IGFBP1: variants seen among roughly 807,000 people sequenced by gnomAD.
The protein encoded by IGFBP1 is insulin like growth factor binding protein 1.
A neutral mutation model predicts 23.1 loss-of-function variants in IGFBP1; 31 were observed. That is an observed-to-expected ratio of 1.34 (90% CI 1.01 to 1.81). The LOEUF is 1.81. IGFBP1 is among the 40% of genes most tolerant of loss of function. The probability of loss-of-function intolerance (pLI) is 0.00; values close to 1 mark genes in which losing one functional copy is unlikely to be tolerated. For synonymous variants in IGFBP1, 148 were observed against 145.5 expected, an observed-to-expected ratio of 1.02 and a Z score of -0.13; for missense variants, 333 against 342.2, an observed-to-expected ratio of 0.97 and a Z score of 0.21.
chr7:45,891,074 A>T (rs1404703546), intron 2 of IGFBP1, among the ~76,000 whole-genome samples: 5 of 152,206 alleles, frequency 3.3e-5, no homozygotes, highest in African/African-American at 1.2e-4. Flanking sequence ...CCTTTAAAAA[A>T]GTTGTCATAA....
chr7:45,888,996 C>T lies in IGFBP1; in HGVS notation c.344C>T (p.Ala115Val). The change falls in exon 1 of 4, where the codon GCT (alanine) becomes GTT (valine). Residue 115 changes from alanine (A) to valine (V), a missense_variant. Physicochemically the swap from Ala to Val is moderately conservative, Grantham distance 64. Transcript: ENST00000275525. Reference sequence around the variant, plus strand: ...GAGTCTGACGCCTCCGCTCCCCATGCTGCAGGTACCACAGTCCCGCCCCTG... The same window carrying T: ...GAGTCTGACGCCTCCGCTCCCCATGTTGCAGGTACCACAGTCCCGCCCCTG... ...VQESDASAPH[A>V]AEAGSPESPE... 4.0e-6 allele frequency: 6 copies of T among 1,515,162 alleles called. No individual in the cohort carries two copies. Among genetic ancestry groups the T allele is most frequent in the Non-Finnish European group, 4.4e-6 (5 of 1,138,050 alleles). 93.9% of individuals were successfully genotyped at this position (1,515,162 alleles called of 1,614,324 possible).
At position 45,888,824 on chromosome 7, in the gene IGFBP1, G is replaced by A. The variant is rs753334604; in HGVS notation, c.172G>A (p.Gly58Ser). The A allele has an allele frequency of 6.4e-7, 1 of 1,552,896 alleles. No individual in the cohort carries two copies. Among genetic ancestry groups the A allele is most frequent in the South Asian group, 1.2e-5 (1 of 86,146 alleles). Reference sequence around the variant, plus strand: ...GGAGGTCACCCGGTCCGCCGGCTGCGGCTGTTGCCCGATGTGCGCCCTGCC... The same window carrying A: ...GGAGGTCACCCGGTCCGCCGGCTGCAGCTGTTGCCCGATGTGCGCCCTGCC... ...CSEVTRSAGC[G>S]CCPMCALPLG... Residue 58 changes from glycine to serine, a missense_variant, in exon 1 of 4, where the codon GGC (glycine) becomes AGC (serine). Physicochemically the swap from Gly to Ser is moderately conservative, Grantham distance 56. Coordinates refer to ENST00000275525, the MANE Select transcript of IGFBP1 (RefSeq NM_000596.4).
intron 3 of IGFBP1, 35 bp from the exon 4 acceptor site, chr7:45,892,925 A>G (rs1257699604): frequency 1.2e-6 from 2 of 1,600,626 alleles, no homozygotes; most frequent in East Asian, 2.2e-5. Flanking sequence ...TCAGCTTGTC[A>G]TCTGCTGCTC....
Position 45,892,041 on chromosome 7 carries a change from G to A in IGFBP1, c.629G>A (p.Gly210Glu). 6.2e-7 allele frequency: 1 copy of A among 1,614,190 alleles called. No individual in the cohort carries two copies. The highest frequency in any genetic ancestry group is 1.1e-5 in the South Asian group (1 of 91,084). Residue 210 changes from glycine to glutamate, a missense_variant, in exon 3 of 4, where the codon GGA (glycine) becomes GAA (glutamate). Gly to Glu is a moderately conservative substitution (Grantham distance 98). Transcript: ENST00000275525. ...KFYLPNCNKN[G>E]FYHSRQCETS... is the part of the protein sequence containing the mutation. ...TACCTGCCAAACTGCAACAAGAATG[G>A]ATTTTATCACAGCAGACAGGTAGGT... is the stretch of plus-strand genomic sequence containing the variant.
rs1787066611 is a variant in IGFBP1, at chr7:45,890,688, C to G, written c.490C>G (p.Leu164Val). The G allele has an allele frequency of 1.2e-6, 2 of 1,607,538 alleles. No homozygotes were observed. Among genetic ancestry groups the G allele is most frequent in the South Asian group, 2.2e-5 (2 of 90,306 alleles). Residue 164 changes from leucine to valine, a missense_variant, in exon 2 of 4, where the codon CTC becomes GTC. Physicochemically the swap from Leu to Val is conservative, Grantham distance 32. Transcript: ENST00000275525. ...CAGTACCTATGATGGCTCGAAGGCT[C>G]TCCATGTCACCAACATCAAAAAATG... ...AISTYDGSKA[L>V]HVTNIKKWKE...
chr7:45,891,123 A>C (rs1016922464), intron 2 of IGFBP1, among the ~76,000 whole-genome samples: 2 of 152,202 alleles, frequency 1.3e-5, no homozygotes, highest in Admixed American at 6.5e-5. Flanking sequence ...ATTTTGAAGC[A>C]TAGGTTTCTG....
At chr7:45,890,332 A>G (rs1261076866) in intron 1 of IGFBP1, among the ~76,000 whole-genome samples, 2 of 152,130 alleles carry the variant, frequency 1.3e-5, no homozygotes, top group Non-Finnish European at 2.9e-5. Flanking sequence ...GAAACTTACT[A>G]TTGTCAGGAA....
chr7:45,893,184 GTATATA>G lies in IGFBP1; in HGVS notation c.*100_*105del. On this transcript the variant is annotated 3_prime_UTR_variant, in exon 4 of 4. Coordinates refer to ENST00000275525, the MANE Select transcript of IGFBP1 (RefSeq NM_000596.4). ...TGCACATTTATATATATATGTATAT[GTATATA>G]TATATAGTAACTACTTTTTATACTC... 1.5e-5 allele frequency: 8 copies of G among 540,742 alleles called. No individual in the cohort carries two copies. The South Asian group carries it at 3.2e-4, about 22-fold the overall frequency. 33.5% of individuals were successfully genotyped at this position (540,742 alleles called of 1,614,324 possible). A position where few individuals can be genotyped will look rare whatever the true frequency, so the allele number is the denominator to read the frequency against.
intron 2 of IGFBP1, 134 bp from the exon 3 acceptor site, chr7:45,891,798 C>A: frequency 1.3e-6 from 1 of 746,486 alleles, no homozygotes; most frequent in Non-Finnish European, 2.2e-6. Context: ...CATCACATGA[C>A]ACCTAGTCCC....
At chr7:45,889,669 T>C (rs545733600) in intron 1 of IGFBP1, among the ~76,000 whole-genome samples, 1 of 152,334 alleles carries the variant, frequency 6.6e-6, no homozygotes, top group South Asian at 2.1e-4. Context: ...CATTTGTTTG[T>C]AGCGGGAAGT....
chr7:45,891,827 C>G, intron 2 of IGFBP1, 105 bp from the exon 3 acceptor site: 2 of 1,164,378 alleles, frequency 1.7e-6, no homozygotes, highest in Non-Finnish European at 2.4e-6. Flanking sequence ...GTGGCCAGAT[C>G]GTAGGGCCAC....
Position 45,888,755 on chromosome 7 carries a change from G to C in IGFBP1, c.103G>C (p.Ala35Pro). 6.3e-7 allele frequency: 1 copy of C among 1,584,210 alleles called. No individual in the cohort carries two copies. The highest frequency in any genetic ancestry group is 8.5e-7 in the Non-Finnish European group (1 of 1,173,782). ...GAPWQCAPCS[A>P]EKLALCPPVS... ...TCCGTGGCAGTGCGCGCCCTGCTCC[G>C]CCGAGAAGCTCGCGCTCTGCCCGCC... is the stretch of plus-strand genomic sequence containing the variant. The change falls in exon 1 of 4, where the codon GCC (alanine) becomes CCC (proline). Residue 35 changes from alanine (A) to proline (P), a missense_variant. By Grantham distance (27) the Ala-to-Pro change is conservative. Transcript: ENST00000275525.
chr7:45,890,723 G>C lies in IGFBP1; in HGVS notation c.519+6G>C. On this transcript the variant is annotated splice_donor_region_variant and intron_variant, in intron 2 of 3. Coordinates refer to ENST00000275525, the MANE Select transcript of IGFBP1 (RefSeq NM_000596.4). ...CCAACATCAAAAAATGGAAGGTGAG[G>C]CCCAGCAGGTGGGTGGTGGGAACTC... 6.3e-7 allele frequency: 1 copy of C among 1,595,148 alleles called. No homozygotes were observed. Among genetic ancestry groups the C allele is most frequent in the Non-Finnish European group, 8.5e-7 (1 of 1,170,602 alleles).
intron 1 of IGFBP1, 101 bp from the exon 2 acceptor site, chr7:45,890,447 T>A: frequency 7.7e-7 from 1 of 1,293,446 alleles, no homozygotes; most frequent in Non-Finnish European, 1.1e-6. Context: ...GCCATCCTCA[T>A]GGCCCAGCCT....
chr7:45,891,401 T>C (rs1289770042), intron 2 of IGFBP1, among the ~76,000 whole-genome samples: 1 of 152,252 alleles, frequency 6.6e-6, no homozygotes, highest in Non-Finnish European at 1.5e-5. Context: ...ATTTTGGAAT[T>C]TCATCTGAGA....
At chr7:45,891,106 T>TAA (rs1787072887) in intron 2 of IGFBP1, among the ~76,000 whole-genome samples, 1 of 152,234 alleles carries the variant, frequency 6.6e-6, no homozygotes, top group Non-Finnish European at 1.5e-5. Context: ...AATGTACTGT[T>TAA]TTAACTATTT....
At position 45,890,511 on chromosome 7, in the gene IGFBP1, G is replaced by C. The variant is rs1007342526; in HGVS notation, c.350-37G>C. 7.0e-6 allele frequency: 11 copies of C among 1,561,544 alleles called. No homozygotes were observed. In the South Asian group the frequency reaches 1.3e-4, roughly 19 times the overall value. On this transcript the variant is annotated intron_variant, in intron 1 of 3. Transcript: ENST00000275525. ...GGGGCCCGAAAGGGGCAGATGCTTT[G>C]GGAGGGCTCATGGGGTCTGCAATGT... is the stretch of plus-strand genomic sequence containing the variant.
rs1434812225 is a variant in IGFBP1, at chr7:45,888,803, G to T, written c.151G>T (p.Val51Phe). 1 of 1,568,372 alleles carries T rather than the reference G, an allele frequency of 6.4e-7. No individual in the cohort carries two copies. The highest frequency in any genetic ancestry group is 8.6e-7 in the Non-Finnish European group (1 of 1,166,098). ...CPPVSASCSE[V>F]TRSAGCGCCP... Reference sequence around the variant, plus strand: ...GCCGGTGTCCGCCTCGTGCTCGGAGGTCACCCGGTCCGCCGGCTGCGGCTG... The same window carrying T: ...GCCGGTGTCCGCCTCGTGCTCGGAGTTCACCCGGTCCGCCGGCTGCGGCTG... The change falls in exon 1 of 4, where the codon GTC (valine) becomes TTC (phenylalanine). Residue 51 changes from valine (V) to phenylalanine (F), a missense_variant. Coordinates refer to ENST00000275525, the MANE Select transcript of IGFBP1 (RefSeq NM_000596.4).
Position 45,893,101 on chromosome 7 carries a change from AAAT to A in IGFBP1, c.*14_*16del. ...TAATGTACAAAACTGAAACCAGATG[AAAT>A]AATGTTCTGTCACGTGAAATATTTA... On this transcript the variant is annotated 3_prime_UTR_variant, in exon 4 of 4. Coordinates refer to ENST00000275525, the MANE Select transcript of IGFBP1 (RefSeq NM_000596.4). The A allele has an allele frequency of 6.2e-7, 1 of 1,601,406 alleles. No individual in the cohort carries two copies.
Sources: gnomAD v4.1 joint callset for allele counts (sites outside exome capture counted in the v4.1 genomes callset) on GRCh38, gnomAD v4.1.1 for gene constraint, MANE v1.5 for transcripts, NCBI Gene and HGNC (gene_info 2026-07-23, HGNC 2026-07-21) for gene names.